HAAO: variants seen among roughly 807,000 people sequenced by gnomAD.
The protein encoded by HAAO is 3-hydroxyanthranilate oxygenase.
Under a neutral mutation model 46.2 loss-of-function variants are expected in HAAO, and 49 were observed. The observed-to-expected ratio is 1.06, with a 90% CI of 0.84 to 1.34. The LOEUF is 1.34. Among genes scored for constraint, HAAO ranks in the 40% most tolerant of loss-of-function variants. HAAO has a pLI of 0.00. For synonymous variants in HAAO, 157 were observed against 145.2 expected (o/e 1.08, Z -0.58); for missense variants, 408 against 364.5 (o/e 1.12, Z -0.97).
intron 2 of HAAO, among the ~76,000 whole-genome samples, chr2:42,786,559 CAG>C (rs1247950759): frequency 2.6e-5 from 4 of 152,328 alleles, no homozygotes; most frequent in South Asian, 2.1e-4. Flanking sequence ...TTCCACCAGA[CAG>C]GGGCTGTTGT....
intron 7 of HAAO, among the ~76,000 whole-genome samples, chr2:42,768,183 C>T (rs868012332): frequency 2.0e-5 from 3 of 152,346 alleles, no homozygotes; most frequent in Middle Eastern, 3.4e-3. Context: ...ACCCGTGGTC[C>T]CTCTGATGTG....
chr2:42,781,130 T>A (rs1353185058), intron 4 of HAAO, among the ~76,000 whole-genome samples: 1 of 152,164 alleles, frequency 6.6e-6, no homozygotes, highest in Non-Finnish European at 1.5e-5. Flanking sequence ...TGGAGCATAT[T>A]TTTTTCTCTC....
chr2:42,792,367 T>C (rs1672867946), intron 1 of HAAO, 90 bp downstream of exon 1: 1 of 672,562 alleles, frequency 1.5e-6, no homozygotes, highest in Non-Finnish European at 2.5e-6. Flanking sequence ...AGCTTCTGGG[T>C]CCAGGAACTC....
intron 2 of HAAO, 44 bp downstream of exon 2, chr2:42,788,485 T>A: frequency 7.9e-7 from 1 of 1,258,524 alleles, no homozygotes; most frequent in South Asian, 1.2e-5. Context: ...AGGGCCAGGC[T>A]CCTTGCCCGC....
chr2:42,780,211 A>ATTT lies in HAAO; in HGVS notation c.350+3100_350+3102dup, dbSNP rs58338551. On this transcript the variant is annotated intron_variant, in intron 4 of 9. Coordinates refer to ENST00000294973, the MANE Select transcript of HAAO (RefSeq NM_012205.3). Reference sequence around the variant, plus strand: ...AGAACACAGGTGTTCTTTTTTTTTAATTTTTTTTTTTTTTTAAGATGGAGT... The same window carrying ATTT: ...AGAACACAGGTGTTCTTTTTTTTTAATTTTTTTTTTTTTTTTTTAAGATGGAGT... 2.0e-3 allele frequency among the ~76,000 whole-genome samples: 273 copies of ATTT among 137,742 alleles called. 2 individuals are homozygous for ATTT. The highest frequency in any genetic ancestry group is 5.2e-3 in the African/African-American group (190 of 36,806). The allele number at this position is 137,742 out of a possible 152,430, so 90.4% of individuals were successfully genotyped here. A position where few individuals can be genotyped will look rare whatever the true frequency, so the allele number is the denominator to read the frequency against.
intron 4 of HAAO, among the ~76,000 whole-genome samples, chr2:42,773,886 G>A (rs561946728): frequency 2.8e-4 from 42 of 152,260 alleles, no homozygotes; most frequent in African/African-American, 9.6e-4. Flanking sequence ...CACTGCGCCC[G>A]GCTACCTGCC....
chr2:42,782,150 G>C (rs1000305312), intron 4 of HAAO, among the ~76,000 whole-genome samples: 3 of 151,654 alleles, frequency 2.0e-5, no homozygotes, highest in Non-Finnish European at 2.9e-5. Flanking sequence ...TTCTTTTTTT[G>C]TTTGTTTTTC....
chr2:42,770,543 C>T lies in HAAO; in HGVS notation c.390G>A (p.Lys130=). The stretch of plus-strand genomic sequence containing the variant: ...TGCCGAGGTCCTTGCAGTAGAACCA[C>T]TTCTCAAACAGAACGTCCATGGTGT... The part of the protein sequence containing the change: ...VGDTMDVLFE[K]WFYCKDLGTQ... Residue 130 remains lysine, a synonymous_variant, in exon 5 of 10, where the codon AAG becomes AAA. Coordinates refer to ENST00000294973, the MANE Select transcript of HAAO (RefSeq NM_012205.3). The T allele has an allele frequency of 1.3e-6, 2 of 1,553,476 alleles. No homozygotes were observed. Among genetic ancestry groups the T allele is most frequent in the Non-Finnish European group, 1.7e-6 (2 of 1,147,912 alleles).
At chr2:42,771,965 C>G (rs566822640) in intron 4 of HAAO, among the ~76,000 whole-genome samples, 6 of 152,252 alleles carry the variant, frequency 3.9e-5, no homozygotes, top group African/African-American at 1.4e-4. Flanking sequence ...ATGTTGAGTC[C>G]CTGGCTTTTA....
At chr2:42,780,938 G>T (rs919446754) in intron 4 of HAAO, among the ~76,000 whole-genome samples, 1 of 146,924 alleles carries the variant, frequency 6.8e-6, no homozygotes, top group Non-Finnish European at 1.5e-5. Flanking sequence ...TTTGCTGGGC[G>T]TGGTGGCAGG....
In HAAO at chr2:42,770,188, T is replaced by TGCAAGGACGAACAGGGAGGAGCAGGAGTG. The variant is rs1207686287; in HGVS notation, c.441-31_441-3dup. 6.3e-7 allele frequency: 1 copy of TGCAAGGACGAACAGGGAGGAGCAGGAGTG among 1,597,280 alleles called. No homozygotes were observed. Among genetic ancestry groups the TGCAAGGACGAACAGGGAGGAGCAGGAGTG allele is most frequent in the East Asian group, 2.3e-5 (1 of 44,062 alleles). ...CTGTACTGCTCAGAGCTGAAGAACC[T>TGCAAGGACGAACAGGGAGGAGCAGGAGTG]GCAAGGACGAACAGGGAGGAGCAGG... On this transcript the variant is annotated splice_region_variant and splice_polypyrimidine_tract_variant and intron_variant, in intron 5 of 9. Transcript: ENST00000294973.
chr2:42,786,870 A>G (rs1402096087), intron 2 of HAAO, among the ~76,000 whole-genome samples: 1 of 152,128 alleles, frequency 6.6e-6, no homozygotes, highest in Admixed American at 6.5e-5. Flanking sequence ...AGGTCTGAGC[A>G]ACTCCCCTTT....
chr2:42,776,634 T>G (rs74623274), intron 4 of HAAO, among the ~76,000 whole-genome samples: 1,964 of 137,342 alleles, frequency 0.014, 38 homozygotes, highest in African/African-American at 0.05. Context: ...AGTTGTTTCC[T>G]TTTTTTTTTT....
At chr2:42,783,746 G>C (rs552700710) in intron 3 of HAAO, 38 bp downstream of exon 3, 2 of 1,558,546 alleles carry the variant, frequency 1.3e-6, no homozygotes, top group Non-Finnish European at 1.8e-6. Context: ...AGCTGTGGCC[G>C]CCTTTCTCTT....
At chr2:42,787,032 G>A (rs114679640) in intron 2 of HAAO, among the ~76,000 whole-genome samples, 2,516 of 152,174 alleles carry the variant, frequency 0.017, 36 homozygotes, top group Middle Eastern at 0.031. Context: ...GCACCACCCC[G>A]CCACCAAAAC....
At chr2:42,787,679 C>T (rs1264998992) in intron 2 of HAAO, among the ~76,000 whole-genome samples, 2 of 152,086 alleles carry the variant, frequency 1.3e-5, no homozygotes, top group Non-Finnish European at 2.9e-5. Context: ...CTGGCTGTGG[C>T]CTGGATGCCC....
intron 4 of HAAO, among the ~76,000 whole-genome samples, chr2:42,782,396 G>T (rs970776558): frequency 1.3e-5 from 2 of 152,086 alleles, no homozygotes; most frequent in African/African-American, 4.8e-5. Flanking sequence ...CTCTTTGTGA[G>T]ACATGAGACT....
intron 7 of HAAO, among the ~76,000 whole-genome samples, chr2:42,768,895 C>T: frequency 6.6e-6 from 1 of 152,214 alleles, no homozygotes; most frequent in East Asian, 1.9e-4. Context: ...CGCCTCTGGC[C>T]AACTTCGGCT....
intron 4 of HAAO, among the ~76,000 whole-genome samples, chr2:42,780,789 C>T (rs555350176): frequency 4.6e-5 from 7 of 151,302 alleles, no homozygotes; most frequent in South Asian, 4.2e-4. Context: ...TACTCCCGGC[C>T]GGGCGTGGTG....
Sources: allele counts gnomAD v4.1 joint callset (sites outside exome capture counted in the v4.1 genomes callset), GRCh38; gene constraint gnomAD v4.1.1; transcripts MANE v1.5; gene names NCBI Gene and HGNC (gene_info 2026-07-23, HGNC 2026-07-21).